TCN2: variants seen among roughly 807,000 people sequenced by gnomAD.
The protein encoded by TCN2 is transcobalamin 2, also known as transcobalamin-2.
Under a neutral mutation model 48.6 loss-of-function variants are expected in TCN2, and 34 were observed. The ratio of observed to expected loss-of-function variants is 0.70; its 90% CI spans 0.53 to 0.93. The LOEUF is 0.93. TCN2 is among the 40% of genes least tolerant of loss of function. TCN2 has a pLI of 0.00. For missense variants in TCN2, 652 were observed against 526.1 expected (o/e 1.24, Z -2.34); for synonymous variants, 283 against 212.5 (o/e 1.33, Z -2.89).
Position 30,615,679 on chromosome 22 carries a change from C to T in TCN2, c.832C>T (p.Leu278=). The change falls in exon 6 of 9, where the codon CTG becomes TTG. Residue 278 remains leucine, a synonymous_variant. Coordinates refer to ENST00000215838, the MANE Select transcript of TCN2 (RefSeq NM_000355.4). ...GGCGAGGGTTGCTTTGCTGGCCAGT[C>T]TGCAGGATGGAGCCTTCCAGAATGC... ...LKARVALLAS[L]QDGAFQNALM... 1 of 1,614,234 alleles carries T rather than the reference C, an allele frequency of 6.2e-7. No homozygotes were observed. Among genetic ancestry groups the T allele is most frequent in the Non-Finnish European group, 8.5e-7 (1 of 1,180,052 alleles).
chr22:30,625,417 T>C (rs990640122), intron 8 of TCN2, among the ~76,000 whole-genome samples: 4 of 151,810 alleles, frequency 2.6e-5, no homozygotes, highest in East Asian at 1.9e-4. Flanking sequence ...AAAAAAAATA[T>C]TTTCCTGGCC....
chr22:30,616,505 A>AT (rs1654754393), intron 6 of TCN2, among the ~76,000 whole-genome samples: 6 of 147,322 alleles, frequency 4.1e-5, no homozygotes, highest in African/African-American at 1.5e-4. Context: ...AAAAAAAAAA[A>AT]TGGAGAAGAA....
rs2087817003 is a variant in TCN2 at position 30,626,739 on chromosome 22, C to A, written c.*218C>A. ...CAAGCATCTTCCCTGGGAAGTCTTTCTGGCCAAGTCTGGCCAGCCTGGCCC... is the reference window on the plus strand; with the variant it reads ...CAAGCATCTTCCCTGGGAAGTCTTTATGGCCAAGTCTGGCCAGCCTGGCCC... On this transcript the variant is annotated 3_prime_UTR_variant, in exon 9 of 9. Transcript: ENST00000215838. The A allele has an allele frequency of 1.6e-6, 1 of 614,356 alleles. No individual in the cohort carries two copies. The highest frequency in any genetic ancestry group is 2.9e-6 in the Non-Finnish European group (1 of 343,602). 38.1% of individuals were successfully genotyped at this position (614,356 alleles called of 1,614,324 possible).
At chr22:30,614,133 G>A (rs1038618329) in intron 3 of TCN2, among the ~76,000 whole-genome samples, 11 of 152,162 alleles carry the variant, frequency 7.2e-5, no homozygotes, top group African/African-American at 1.2e-4. Flanking sequence ...CCCGAACTGC[G>A]CAGTGCCTGT....
chr22:30,625,485 TG>T (rs2087793699), intron 8 of TCN2, among the ~76,000 whole-genome samples: 1 of 151,920 alleles, frequency 6.6e-6, no homozygotes, highest in Non-Finnish European at 1.5e-5. Flanking sequence ...TTTTTTGAGA[TG>T]GGGGTCTCAC....
chr22:30,626,231 C>T (rs2087807739), intron 8 of TCN2, among the ~76,000 whole-genome samples: 1 of 152,100 alleles, frequency 6.6e-6, no homozygotes, highest in South Asian at 2.1e-4. Flanking sequence ...GACAGTGGCC[C>T]TGCCTGTCAG....
rs1034831759 is a variant in TCN2, at chr22:30,607,468, G to A, written c.64+73G>A. 2.6e-6 allele frequency: 4 copies of A among 1,558,302 alleles called. No homozygotes were observed. The African/African-American group carries it at 5.4e-5, about 21-fold the overall frequency. ...GTGGGGTGGCTAGGGCATAGGATGA[G>A]GGAACTTACCTGCCCTTCTAAGCTC... On this transcript the variant is annotated intron_variant, in intron 1 of 8. Transcript: ENST00000215838.
chr22:30,612,777 A>AT (rs1347845415), intron 2 of TCN2, 96 bp from the exon 3 acceptor site: 4 of 1,529,314 alleles, frequency 2.6e-6, no homozygotes, highest in East Asian at 2.3e-5. Flanking sequence ...CACTGTTAAG[A>AT]TTTTTTCCCG....
In TCN2 at chr22:30,607,326, G is replaced by C; in HGVS notation, c.-6G>C. The C allele has an allele frequency of 6.2e-7, 1 of 1,614,176 alleles. No homozygotes were observed. The highest frequency in any genetic ancestry group is 8.5e-7 in the Non-Finnish European group (1 of 1,180,036). On this transcript the variant is annotated 5_prime_UTR_variant, in exon 1 of 9. Transcript: ENST00000215838. ...CTTGCTCACTGCTCACCCACCTGCT[G>C]CTGCCATGAGGCACCTTGGGGCCTT... is the stretch of plus-strand genomic sequence containing the variant.
chr22:30,619,299 C>T (rs1350576456), intron 7 of TCN2, among the ~76,000 whole-genome samples: 1 of 152,144 alleles, frequency 6.6e-6, no homozygotes, highest in Non-Finnish European at 1.5e-5. Context: ...AGACTGGTCT[C>T]AAACTCCTGG....
At chr22:30,622,238 T>C (rs5753247) in intron 7 of TCN2, among the ~76,000 whole-genome samples, 63,713 of 151,898 alleles carry the variant, frequency 0.42, 13,565 homozygotes, top group Non-Finnish European at 0.45. Flanking sequence ...CTGCCTGCCT[T>C]GGCCTCCCAA....
intron 8 of TCN2, among the ~76,000 whole-genome samples, chr22:30,623,745 C>CACATATATATGTATACATATATAT: frequency 6.5e-5 from 2 of 30,566 alleles, no homozygotes; most frequent in Admixed American, 3.9e-4. Flanking sequence ...CATATATATA[C>CACATATATATGTATACATATATAT]ACACATATAT....
At chr22:30,621,776 G>T (rs1369801814) in intron 7 of TCN2, among the ~76,000 whole-genome samples, 1 of 152,154 alleles carries the variant, frequency 6.6e-6, no homozygotes, top group East Asian at 1.9e-4. Context: ...GAGCCACAGT[G>T]CCTGGCCTGA....
intron 8 of TCN2, among the ~76,000 whole-genome samples, chr22:30,624,849 T>C (rs971496617): frequency 3.9e-5 from 6 of 152,218 alleles, no homozygotes; most frequent in East Asian, 3.9e-4. Context: ...ATGGGAGTTA[T>C]AATTTGAGTT....
intron 8 of TCN2, among the ~76,000 whole-genome samples, chr22:30,624,051 C>CAT (rs1569047255): frequency 4.9e-3 from 91 of 18,732 alleles, no homozygotes; most frequent in Non-Finnish European, 6.6e-3. Context: ...TATACACACA[C>CAT]ACACACACAC....
rs190650111 is a variant in TCN2, at chr22:30,612,511, C to G, written c.258-362C>G. ...GTTGCAGTGAGCTGAGAACATGCCA[C>G]TGCACTCCAGCCTGGGCAACAAGAG... On this transcript the variant is annotated intron_variant, in intron 2 of 8. Coordinates refer to ENST00000215838, the MANE Select transcript of TCN2 (RefSeq NM_000355.4). Among the ~76,000 whole-genome samples, 462 of 152,234 alleles carry G rather than the reference C, an allele frequency of 3.0e-3. 1 individual carries two copies. Among genetic ancestry groups the G allele is most frequent in the African/African-American group, 0.01 (417 of 41,532 alleles).
In TCN2 at chr22:30,617,269, G is replaced by A. The variant is rs187950630; in HGVS notation, c.941-61G>A. The A allele has an allele frequency of 1.1e-4, 185 of 1,611,074 alleles. No homozygotes were observed. In the East Asian group the frequency reaches 3.7e-3, roughly 32 times the overall value. On this transcript the variant is annotated intron_variant, in intron 6 of 8. Coordinates refer to ENST00000215838, the MANE Select transcript of TCN2 (RefSeq NM_000355.4). The stretch of plus-strand genomic sequence containing the variant: ...AGGTGTCCTTGAGGGAAGACAAGAA[G>A]ACAAATAATCCAGGCTCTCTGTCCT...
rs2087739698 is a variant in TCN2, at chr22:30,623,778, A to ATG, written c.1222+696_1222+697insGT. On this transcript the variant is annotated intron_variant, in intron 8 of 8. Coordinates refer to ENST00000215838, the MANE Select transcript of TCN2 (RefSeq NM_000355.4). Reference sequence around the variant, plus strand: ...TATATGTATATATATATACACACATATATATGTATACATATATACACACAT... The same window carrying ATG: ...TATATGTATATATATATACACACATATGTATATGTATACATATATACACACAT... Among the ~76,000 whole-genome samples, 6 of 25,524 alleles carry ATG rather than the reference A, an allele frequency of 2.4e-4. 3 individuals carry two copies. The African/African-American group carries it at 2.4e-3, about 10-fold the overall frequency. The allele number at this position is 25,524 out of a possible 152,430, so 16.7% of individuals were successfully genotyped here.
chr22:30,612,155 G>A (rs780827821), intron 2 of TCN2, among the ~76,000 whole-genome samples: 1 of 152,146 alleles, frequency 6.6e-6, no homozygotes, highest in Non-Finnish European at 1.5e-5. Flanking sequence ...AAAGGTGGGA[G>A]GATCTTTTGA....
Sources: gnomAD v4.1 joint callset for allele counts (sites outside exome capture counted in the v4.1 genomes callset) on GRCh38, gnomAD v4.1.1 for gene constraint, MANE v1.5 for transcripts, NCBI Gene and HGNC (gene_info 2026-07-23, HGNC 2026-07-21) for gene names.